PTPRJ: variants seen among roughly 807,000 people sequenced by gnomAD.
PTPRJ encodes the protein receptor-type tyrosine-protein phosphatase eta.
In PTPRJ, 129 loss-of-function variants were observed where a neutral mutation model predicts 141.3. That is an observed-to-expected ratio of 0.91 (90% CI 0.79 to 1.06). The LOEUF is 1.06. Among genes scored for constraint, PTPRJ ranks in the 50% least tolerant of loss-of-function variants. The pLI, the probability that PTPRJ is intolerant of heterozygous loss-of-function variation, is 0.00. For missense variants in PTPRJ, 1,601 were observed against 1,679.7 expected (o/e 0.95, Z 0.82); for synonymous variants, 610 against 640.5 (o/e 0.95, Z 0.72).
chr11:47,990,969 G>A (rs929025809), intron 1 of PTPRJ, among the ~76,000 whole-genome samples: 3 of 151,936 alleles, frequency 2.0e-5, no homozygotes, highest in East Asian at 3.9e-4. Context: ...ATGAGCCACC[G>A]TGACCGGCGG....
chr11:48,155,050 TC>T (rs1638934043), intron 19 of PTPRJ, among the ~76,000 whole-genome samples: 1 of 152,214 alleles, frequency 6.6e-6, no homozygotes, highest in South Asian at 2.1e-4. Flanking sequence ...TGCTTCTGGC[TC>T]AGCCTGACAC....
chr11:48,147,815 G>C (rs1271184875), intron 15 of PTPRJ, among the ~76,000 whole-genome samples: 2 of 152,108 alleles, frequency 1.3e-5, no homozygotes, highest in African/African-American at 4.8e-5. Context: ...TGGAGTGACA[G>C]GCAGAGCTCA....
chr11:48,064,824 T>G lies in PTPRJ; in HGVS notation c.97-45234T>G, dbSNP rs527739649. On this transcript the variant is annotated intron_variant, in intron 1 of 24. Transcript: ENST00000418331. ...TTAGTAGAGACAGGGTTTTGCCATGTTGGTCAGGATGGTCTCGAACTCCTG... is the reference window on the plus strand; with the variant it reads ...TTAGTAGAGACAGGGTTTTGCCATGGTGGTCAGGATGGTCTCGAACTCCTG... Among the ~76,000 whole-genome samples the G allele has an allele frequency of 6.6e-5, 10 of 151,970 alleles. No individual in the cohort carries two copies. In the South Asian group the frequency reaches 1.7e-3, roughly 25 times the overall value.
intron 15 of PTPRJ, among the ~76,000 whole-genome samples, chr11:48,148,804 A>G (rs1048290247): frequency 6.6e-6 from 1 of 151,978 alleles, no homozygotes; most frequent in Non-Finnish European, 1.5e-5. Flanking sequence ...TAGTTAACCA[A>G]TTTCCTAGGT....
chr11:48,073,433 C>T (rs73464902), intron 1 of PTPRJ, among the ~76,000 whole-genome samples: 2,314 of 152,360 alleles, frequency 0.015, 60 homozygotes, highest in African/African-American at 0.053. Flanking sequence ...GAACTGCTTA[C>T]CTCAGTTTTC....
chr11:48,051,743 A>C (rs920303993), intron 1 of PTPRJ, among the ~76,000 whole-genome samples: 1 of 152,240 alleles, frequency 6.6e-6, no homozygotes, highest in Non-Finnish European at 1.5e-5. Flanking sequence ...TTTGGGGCTC[A>C]GCTCCCTCAT....
intron 1 of PTPRJ, among the ~76,000 whole-genome samples, chr11:48,094,834 C>T (rs186808363): frequency 0.011 from 1,622 of 152,194 alleles, 33 homozygotes; most frequent in African/African-American, 0.038. Context: ...AGGATGGATA[C>T]CCGAGAACAT....
At chr11:48,018,246 A>G (rs951167129) in intron 1 of PTPRJ, among the ~76,000 whole-genome samples, 2 of 150,774 alleles carry the variant, frequency 1.3e-5, no homozygotes, top group African/African-American at 4.9e-5. Context: ...ACTGTTCAAC[A>G]TGACTTCTTT....
chr11:48,024,611 G>A (rs550762313), intron 1 of PTPRJ, among the ~76,000 whole-genome samples: 1 of 152,336 alleles, frequency 6.6e-6, no homozygotes, highest in African/African-American at 2.4e-5. Context: ...CCAAGCAGCC[G>A]TTGCTAATGG....
At chr11:48,043,335 T>G (rs1447010352) in intron 1 of PTPRJ, among the ~76,000 whole-genome samples, 1 of 152,182 alleles carries the variant, frequency 6.6e-6, no homozygotes, top group Non-Finnish European at 1.5e-5. Context: ...CATTTCAGCT[T>G]CCTGAGTAGC....
intron 1 of PTPRJ, among the ~76,000 whole-genome samples, chr11:48,053,950 G>A (rs1343990812): frequency 1.9e-5 from 1 of 52,770 alleles, no homozygotes; most frequent in African/African-American, 7.3e-5. Flanking sequence ...TTTTTTTTTT[G>A]AGACGAAGTT....
chr11:48,115,918 C>G (rs1856554267), intron 3 of PTPRJ, among the ~76,000 whole-genome samples: 1 of 151,918 alleles, frequency 6.6e-6, no homozygotes, highest in Non-Finnish European at 1.5e-5. Flanking sequence ...AAAGAAGAAC[C>G]TTTAGTAGAT....
rs140746006 is a variant in PTPRJ at position 48,127,926 on chromosome 11, G to A, written c.1240G>A (p.Val414Ile). ...AGETDSSNLN[V>I]SEPRAVIPGL... ...GGAGACAGATTCTTCCAATCTCAAC[G>A]TCAGTGAGCCTCGCGCTGTCATCCC... is the stretch of plus-strand genomic sequence containing the variant. Residue 414 changes from valine (V) to isoleucine (I), a missense_variant, in exon 7 of 25, where the codon GTC becomes ATC. Val to Ile is a conservative substitution (Grantham distance 29, BLOSUM62 3). Coordinates refer to ENST00000418331, the MANE Select transcript of PTPRJ (RefSeq NM_002843.4). The A allele has an allele frequency of 1.3e-3, 2,091 of 1,614,124 alleles. 14 individuals carry two copies. The highest frequency in any genetic ancestry group is 4.9e-3 in the Middle Eastern group (30 of 6,062).
intron 1 of PTPRJ, among the ~76,000 whole-genome samples, chr11:48,081,643 C>T (rs921615854): frequency 3.3e-5 from 5 of 151,962 alleles, no homozygotes; most frequent in South Asian, 4.1e-4. Flanking sequence ...GGCCAGGCTG[C>T]GGCCAGGGCT....
Position 48,150,189 on chromosome 11 carries a change from T to C in PTPRJ, c.3138+6T>C. The C allele has an allele frequency of 6.2e-7, 1 of 1,611,806 alleles. No individual in the cohort carries two copies. The highest frequency in any genetic ancestry group is 8.5e-7 in the Non-Finnish European group (1 of 1,178,334). ...GGTTCGCAGAGGAATACGAAGTATG[T>C]TGCTGTAAATACTGTTTTTAATTGT... On this transcript the variant is annotated splice_donor_region_variant and intron_variant, in intron 18 of 24. Coordinates refer to ENST00000418331, the MANE Select transcript of PTPRJ (RefSeq NM_002843.4).
intron 8 of PTPRJ, chr11:48,131,669 T>A: frequency 1.7e-6 from 1 of 573,706 alleles, no homozygotes; most frequent in South Asian, 2.4e-5. Context: ...ATGGCTACTT[T>A]GGTGCTAGAA....
chr11:48,158,877 G>T lies in PTPRJ; in HGVS notation c.3439-1053G>T, dbSNP rs147250821. The stretch of plus-strand genomic sequence containing the variant: ...TGAGGTGGGAGGATCACTTGAGCCT[G>T]AGAGGTTGAGGCTGCAGTGAGCCGT... On this transcript the variant is annotated intron_variant, in intron 21 of 24. Transcript: ENST00000418331. This position sits in a 1 kb window ranked among gnomAD's most constrained non-coding sequence, Gnocchi z 4.4. Among the ~76,000 whole-genome samples, 436 of 152,254 alleles carry T rather than the reference G, an allele frequency of 2.9e-3. 2 individuals carry two copies. The highest frequency in any genetic ancestry group is 3.9e-3 in the Non-Finnish European group (267 of 68,010).
chr11:48,123,994 C>G, intron 5 of PTPRJ, 124 bp downstream of exon 5: 1 of 1,182,906 alleles, frequency 8.5e-7, no homozygotes, highest in South Asian at 1.6e-5. Flanking sequence ...GGCTTTTCCT[C>G]CACATTTTAG....
chr11:48,116,989 G>T (rs1255683128), intron 3 of PTPRJ, among the ~76,000 whole-genome samples: 1 of 152,146 alleles, frequency 6.6e-6, no homozygotes, highest in African/African-American at 2.4e-5. Flanking sequence ...ACAGCCCCTG[G>T]TATAGGATCT....
Sources: allele counts gnomAD v4.1 joint callset (sites outside exome capture counted in the v4.1 genomes callset), GRCh38; gene constraint gnomAD v4.1.1; non-coding constraint Gnocchi (gnomAD v3.1); transcripts MANE v1.5; gene names NCBI Gene and HGNC (gene_info 2026-07-23, HGNC 2026-07-21).